TMPRSS4: variants seen among roughly 807,000 people sequenced by gnomAD.
TMPRSS4 encodes transmembrane protease serine 4.
TMPRSS4 carries 45 observed loss-of-function variants against 56.4 expected under a neutral mutation model. The ratio of observed to expected loss-of-function variants is 0.80; its 90% CI spans 0.63 to 1.02. The LOEUF is 1.02. Among genes scored for constraint, TMPRSS4 ranks in the 50% least tolerant of loss-of-function variants. The probability of loss-of-function intolerance (pLI) is 0.00; values close to 1 mark genes in which losing one functional copy is unlikely to be tolerated. For missense variants in TMPRSS4, 546 were observed against 556.7 expected, an observed-to-expected ratio of 0.98 and a Z score of 0.19; for synonymous variants, 205 against 211.0, an observed-to-expected ratio of 0.97 and a Z score of 0.25.
intron 3 of TMPRSS4, among the ~76,000 whole-genome samples, chr11:118,100,311 C>A (rs1326221925): frequency 1.3e-5 from 2 of 152,264 alleles, no homozygotes; most frequent in South Asian, 4.1e-4. Context: ...CTAATTGGGG[C>A]AGGACTGCCT....
chr11:118,122,750 G>A (rs1218674639), downstream of TMPRSS4, among the ~76,000 whole-genome samples: 1 of 152,152 alleles, frequency 6.6e-6, no homozygotes, highest in Non-Finnish European at 1.5e-5. Flanking sequence ...CATTGATTCA[G>A]GCAAGGATCA....
intron 10 of TMPRSS4, 31 bp downstream of exon 10, chr11:118,114,958 G>C (rs758366361): frequency 3.2e-6 from 5 of 1,570,720 alleles, no homozygotes; most frequent in East Asian, 4.6e-5. Context: ...CACAGGGCAG[G>C]AGATGCCCTT....
At chr11:118,085,985 T>C (rs1435037171) in intron 1 of TMPRSS4, among the ~76,000 whole-genome samples, 2 of 152,198 alleles carry the variant, frequency 1.3e-5, no homozygotes, top group African/African-American at 4.8e-5. Flanking sequence ...GCAGAGGGAT[T>C]CCTAAGCACT....
At chr11:118,088,558 A>C (rs1224813820) in intron 1 of TMPRSS4, among the ~76,000 whole-genome samples, 1 of 152,210 alleles carries the variant, frequency 6.6e-6, no homozygotes, top group Admixed American at 6.5e-5. Context: ...ACTGTACTGC[A>C]CACAGCAGGA....
At chr11:118,115,584 C>G (rs1947505780) in intron 11 of TMPRSS4, 1 of 268,966 alleles carries the variant, frequency 3.7e-6, no homozygotes, top group Non-Finnish European at 7.3e-6. Flanking sequence ...CTTTGGGAGG[C>G]TGAGGCGGGC....
At chr11:118,097,028 GAAA>G (rs1946431137) in intron 2 of TMPRSS4, among the ~76,000 whole-genome samples, 1 of 43,170 alleles carries the variant, frequency 2.3e-5, no homozygotes, top group African/African-American at 9.7e-5. Context: ...AAGAAAGAAA[GAAA>G]GAAAAGGAAA....
Position 118,113,414 on chromosome 11 carries a change from C to T in TMPRSS4, c.889C>T (p.Gln297Ter), listed in dbSNP as rs1181642547. 1.2e-6 allele frequency: 2 copies of T among 1,614,150 alleles called. No individual in the cohort carries two copies. Among genetic ancestry groups the T allele is most frequent in the South Asian group, 2.2e-5 (2 of 91,068 alleles). Residue 297 changes from glutamine to a stop codon, truncating the protein, a stop_gained, in exon 9 of 13, where the codon CAG becomes TAG. Transcript: ENST00000437212. LOFTEE classifies it high-confidence loss of function. ...KDNDIALMKL[Q>*]FPLTFSGTVR... The stretch of plus-strand genomic sequence containing the variant: ...CAATGACATCGCCCTCATGAAGCTG[C>T]AGTTCCCACTCACTTTCTCAGGTGA...
At chr11:118,108,219 C>G (rs1947097487) in intron 6 of TMPRSS4, 1 of 209,112 alleles carries the variant, frequency 4.8e-6, no homozygotes, top group Non-Finnish European at 9.7e-6. Flanking sequence ...AGGCAAGATT[C>G]CAAAGTCACT....
intron 11 of TMPRSS4, 102 bp from the exon 12 acceptor site, chr11:118,117,202 AG>A: frequency 8.9e-7 from 1 of 1,123,148 alleles, no homozygotes; most frequent in Non-Finnish European, 1.3e-6. Context: ...GGAGAGCAGC[AG>A]GGAGTGCAGG....
intron 1 of TMPRSS4, among the ~76,000 whole-genome samples, chr11:118,077,795 C>T (rs566392368): frequency 1.8e-4 from 27 of 152,058 alleles, no homozygotes; most frequent in African/African-American, 5.5e-4. Flanking sequence ...ACAGATCTCT[C>T]GAGGTCAGGA....
chr11:118,108,881 T>C lies in TMPRSS4; in HGVS notation c.568T>C (p.Ser190Pro), dbSNP rs369232654. ...SGPCLSGSLV[S>P]LHCLACGKSL... The stretch of plus-strand genomic sequence containing the variant: ...GCCCTGTCTCTCAGGCTCCCTGGTC[T>C]CCCTGCACTGTCTTGGTGAGTACCC... Residue 190 changes from serine to proline, a missense_variant, in exon 7 of 13, where the codon TCC (serine) becomes CCC (proline). Physicochemically the swap from Ser to Pro is moderately conservative, Grantham distance 74. Coordinates refer to ENST00000437212, the MANE Select transcript of TMPRSS4 (RefSeq NM_019894.4). 8.1e-6 allele frequency: 13 copies of C among 1,614,006 alleles called. No individual in the cohort carries two copies. The African/African-American group carries it at 1.7e-4, about 22-fold the overall frequency.
Position 118,118,033 on chromosome 11 carries a change from C to T in TMPRSS4, c.*120C>T. ...GGGTACACCCCTCTGCCCACAGCCT[C>T]AGCATTTCTTGGAGCAGCAAAGGGC... On this transcript the variant is annotated 3_prime_UTR_variant, in exon 13 of 13. Coordinates refer to ENST00000437212, the MANE Select transcript of TMPRSS4 (RefSeq NM_019894.4). 6.3e-7 allele frequency: 1 copy of T among 1,575,232 alleles called. No individual in the cohort carries two copies.
chr11:118,123,789 G>T (rs1591423543), downstream of TMPRSS4, among the ~76,000 whole-genome samples: 2 of 152,116 alleles, frequency 1.3e-5, no homozygotes, highest in Non-Finnish European at 2.9e-5. Flanking sequence ...CTCCCAAAGT[G>T]CTGGGATTAC....
chr11:118,105,897 C>T (rs985637246), intron 5 of TMPRSS4: 1 of 152,254 alleles, frequency 6.6e-6, no homozygotes, highest in Non-Finnish European at 1.5e-5. Flanking sequence ...GCAGCCATTA[C>T]AAATCAATCA....
intron 3 of TMPRSS4, among the ~76,000 whole-genome samples, chr11:118,099,499 A>AAGAAAGAAAGAAAGAAAGAAAGAAAGAC (rs1555085874): frequency 4.0e-4 from 60 of 151,792 alleles, no homozygotes; most frequent in Admixed American, 5.3e-4. Flanking sequence ...GAAAGAAAGA[A>AAGAAAGAAAGAAAGAAAGAAAGAAAGAC]AGACATGTAT....
intron 8 of TMPRSS4, among the ~76,000 whole-genome samples, chr11:118,112,755 C>A (rs1162141948): frequency 2.0e-5 from 3 of 151,666 alleles, no homozygotes; most frequent in Non-Finnish European, 2.9e-5. Context: ...CCAGATGATG[C>A]GCCCAAGTTC....
chr11:118,081,606 G>T (rs1048725912), intron 1 of TMPRSS4, among the ~76,000 whole-genome samples: 2 of 152,228 alleles, frequency 1.3e-5, no homozygotes, highest in East Asian at 3.8e-4. Flanking sequence ...CCAGGCGTGC[G>T]CACCTGTCCA....
intron 1 of TMPRSS4, among the ~76,000 whole-genome samples, chr11:118,087,282 C>G (rs377675446): frequency 1.3e-5 from 2 of 152,160 alleles, no homozygotes; most frequent in Non-Finnish European, 2.9e-5. Context: ...GCCAAGTCAG[C>G]ATTGCAGAGA....
downstream of TMPRSS4, chr11:118,125,474 T>C (rs1403408787): frequency 7.6e-6 from 3 of 393,884 alleles, no homozygotes; most frequent in East Asian, 7.3e-5. Flanking sequence ...TTCCCTGGGA[T>C]TGAACCCCCA....
Sources: gnomAD v4.1 joint callset for allele counts (sites outside exome capture counted in the v4.1 genomes callset) on GRCh38, gnomAD v4.1.1 for gene constraint, MANE v1.5 for transcripts, NCBI Gene and HGNC (gene_info 2026-07-23, HGNC 2026-07-21) for gene names.